Variants in NR2C1 observed in about 807,000 individuals in gnomAD.
NR2C1 encodes the protein nuclear receptor subfamily 2 group C member 1.
A neutral mutation model predicts 74.8 loss-of-function variants in NR2C1; 33 were observed. The observed-to-expected ratio is 0.44, with a 90% confidence interval of 0.33 to 0.59. The LOEUF is 0.59. Ranked by LOEUF, NR2C1 falls within the 20% of genes least tolerant of loss-of-function variation. The pLI is 0.02. For missense variants in NR2C1, 568 were observed against 715.6 expected, an observed-to-expected ratio of 0.79 and a Z score of 2.35; for synonymous variants, 225 against 240.6, an observed-to-expected ratio of 0.94 and a Z score of 0.60.
intron 1 of NR2C1, among the ~76,000 whole-genome samples, chr12:95,067,864 A>AC (rs1875957093): frequency 7.4e-6 from 1 of 135,476 alleles, no homozygotes. Flanking sequence ...CACCATGCCC[A>AC]CCCCTCCATG....
At chr12:95,068,288 A>G (rs1011168685) in intron 1 of NR2C1, among the ~76,000 whole-genome samples, 1 of 152,158 alleles carries the variant, frequency 6.6e-6, no homozygotes, top group Non-Finnish European at 1.5e-5. Flanking sequence ...CTAATGAACT[A>G]ATTTTAACTC....
Position 95,025,227 on chromosome 12 carries a change from C to G in NR2C1, c.1560G>C (p.Gln520His), listed in dbSNP as rs1592718621. 3 of 1,604,280 alleles carry G rather than the reference C, an allele frequency of 1.9e-6. No homozygotes were observed. The highest frequency in any genetic ancestry group is 2.6e-6 in the Non-Finnish European group (3 of 1,173,024). Residue 520 changes from glutamine to histidine, a missense_variant, in exon 13 of 14, where the codon CAG becomes CAC. This residue lies in a region of NR2C1 where 117 missense variants were observed against 186.7 expected (regional missense o/e 0.63). Coordinates refer to ENST00000333003, the MANE Select transcript of NR2C1 (RefSeq NM_003297.4). ...AAGCCTTTTCCTGAAATTTCTCTAT[C>G]TGTTCCATGTTTTCTAGGCTTGGAT... is the stretch of plus-strand genomic sequence containing the variant. ...PDHPSLENME[Q>H]IEKFQEKAYV...
chr12:95,031,204 T>C (rs1870057028), intron 11 of NR2C1, 145 bp downstream of exon 11: 2 of 686,136 alleles, frequency 2.9e-6, no homozygotes. Context: ...ATTTATAAAA[T>C]TGTAAAAATT....
chr12:95,055,474 T>C (rs961217661), intron 7 of NR2C1, among the ~76,000 whole-genome samples: 1 of 152,206 alleles, frequency 6.6e-6, no homozygotes, highest in Non-Finnish European at 1.5e-5. Context: ...CTTTTATTAC[T>C]CTTATTTTAC....
chr12:95,027,735 A>C (rs1869536038), intron 12 of NR2C1, among the ~76,000 whole-genome samples: 1 of 145,168 alleles, frequency 6.9e-6, no homozygotes, highest in East Asian at 2.0e-4. Flanking sequence ...GACTCAGTCT[A>C]AAAAAAAAAA....
intron 11 of NR2C1, among the ~76,000 whole-genome samples, chr12:95,029,897 C>T (rs1176239358): frequency 6.6e-6 from 1 of 151,986 alleles, no homozygotes; most frequent in African/African-American, 2.4e-5. Context: ...AGAAATGGTT[C>T]TCACTCTGTT....
chr12:95,069,868 CTCCCTT>C (rs955335867), intron 1 of NR2C1, among the ~76,000 whole-genome samples: 2 of 152,100 alleles, frequency 1.3e-5, no homozygotes, highest in African/African-American at 4.8e-5. Context: ...AAAAGCAACT[CTCCCTT>C]TCCCTAACTA....
intron 10 of NR2C1, among the ~76,000 whole-genome samples, chr12:95,033,344 A>G (rs1353770275): frequency 6.6e-6 from 1 of 152,176 alleles, no homozygotes; most frequent in Non-Finnish European, 1.5e-5. Context: ...TGTATATTAG[A>G]AAATGGGAAG....
At chr12:95,025,314 G>A (rs925947663) in intron 12 of NR2C1, 59 bp from the exon 13 acceptor site, 1 of 874,818 alleles carries the variant, frequency 1.1e-6, no homozygotes, top group South Asian at 1.6e-5. Context: ...AAGACAGAGT[G>A]GATATGAAAA....
At chr12:95,056,751 G>A (rs937592853) in intron 7 of NR2C1, among the ~76,000 whole-genome samples, 16 of 152,122 alleles carry the variant, frequency 1.1e-4, no homozygotes, top group African/African-American at 3.1e-4. Context: ...GAGGTCAGGC[G>A]ATCGAGACCA....
chr12:95,068,742 C>T (rs147392580), intron 1 of NR2C1, among the ~76,000 whole-genome samples: 1,830 of 151,292 alleles, frequency 0.012, 27 homozygotes, highest in African/African-American at 0.043. Context: ...TGCGGTGAGC[C>T]GAGATTGCAC....
chr12:95,028,689 C>T (rs1300565384), intron 11 of NR2C1, among the ~76,000 whole-genome samples, 165 bp from the exon 12 acceptor site: 6 of 152,128 alleles, frequency 3.9e-5, no homozygotes, highest in Non-Finnish European at 5.9e-5. Context: ...CAGTGCAGTG[C>T]GGTGATCTTG....
At chr12:95,067,948 T>C (rs1216354024) in intron 1 of NR2C1, among the ~76,000 whole-genome samples, 1 of 149,744 alleles carries the variant, frequency 6.7e-6, no homozygotes, top group Non-Finnish European at 1.5e-5. Context: ...TGGCATGATC[T>C]TGGCTCACTG....
intron 10 of NR2C1, among the ~76,000 whole-genome samples, chr12:95,032,068 G>A (rs1798582900): frequency 6.6e-6 from 1 of 152,120 alleles, no homozygotes; most frequent in Non-Finnish European, 1.5e-5. Flanking sequence ...AGGTTTTGCC[G>A]TCTTGACCAG....
At position 95,046,731 on chromosome 12, in the gene NR2C1, A is replaced by G. The variant is rs1007639976; in HGVS notation, c.1131+2337T>C. 1.1e-4 allele frequency among the ~76,000 whole-genome samples: 17 copies of G among 152,232 alleles called. 1 individual carries two copies. The highest frequency in any genetic ancestry group is 7.2e-4 in the Admixed American group (11 of 15,280). On this transcript the variant is annotated intron_variant, in intron 9 of 13. Coordinates refer to ENST00000333003, the MANE Select transcript of NR2C1 (RefSeq NM_003297.4). The stretch of plus-strand genomic sequence containing the variant: ...AATGCTATTCAGCTCAGCAAGTAAG[A>G]AAGGACTGAGTTGTTTGATTACAGA...
At chr12:95,044,272 CTT>C (rs931868190) in intron 9 of NR2C1, among the ~76,000 whole-genome samples, 14 of 143,980 alleles carry the variant, frequency 9.7e-5, no homozygotes, top group Admixed American at 2.1e-4. Context: ...CGTGATATAG[CTT>C]TTTTTTTTTT....
At chr12:95,036,272 TAAAAA>T (rs368229386) in intron 10 of NR2C1, among the ~76,000 whole-genome samples, 5 of 127,232 alleles carry the variant, frequency 3.9e-5, no homozygotes, top group Admixed American at 1.6e-4. Context: ...ATGTTGAGAT[TAAAAA>T]AAAAAAAAAA....
Position 95,067,845 on chromosome 12 carries a change from A to G in NR2C1, c.-7-454T>C, listed in dbSNP as rs565872173. 6.2e-4 allele frequency among the ~76,000 whole-genome samples: 93 copies of G among 148,942 alleles called. 1 individual carries two copies. Among genetic ancestry groups the G allele is most frequent in the African/African-American group, 2.2e-3 (90 of 40,654 alleles). ...CCCAAGTGTTGGTATTGGAATTATCAGCATAAGCCACCATGCCCACCCCTC... is the reference window on the plus strand; with the variant it reads ...CCCAAGTGTTGGTATTGGAATTATCGGCATAAGCCACCATGCCCACCCCTC... On this transcript the variant is annotated intron_variant, in intron 1 of 13. Transcript: ENST00000333003.
intron 12 of NR2C1, chr12:95,028,075 A>G (rs1869592761): frequency 5.1e-6 from 1 of 194,390 alleles, no homozygotes; most frequent in African/African-American, 2.4e-5. Context: ...TCATATGTAT[A>G]TATTAAATTT....
Sources: allele counts gnomAD v4.1 joint callset (sites outside exome capture counted in the v4.1 genomes callset), GRCh38; gene constraint gnomAD v4.1.1; regional missense constraint gnomAD v4.1.1; transcripts MANE v1.5; gene names NCBI Gene and HGNC (gene_info 2026-07-23, HGNC 2026-07-21).